CDH18: variants seen among roughly 807,000 people sequenced by gnomAD.
CDH18 encodes the protein cadherin-18.
A neutral mutation model predicts 67.9 loss-of-function variants in CDH18; 31 were observed. The ratio of observed to expected loss-of-function variants is 0.46; its 90% CI spans 0.34 to 0.62. The LOEUF (loss-of-function observed/expected upper bound fraction) is 0.62, where lower values mean the gene tolerates loss of function less well. Among genes scored for constraint, CDH18 ranks in the 20% least tolerant of loss-of-function variants. CDH18 has a pLI of 0.01. For synonymous variants in CDH18, 362 were observed against 347.2 expected (o/e 1.04, Z -0.48); for missense variants, 890 against 975.5 (o/e 0.91, Z 1.17).
At chr5:20,243,934 C>T (rs1743180964) in intron 2 of CDH18, among the ~76,000 whole-genome samples, 1 of 152,026 alleles carries the variant, frequency 6.6e-6, no homozygotes, top group Non-Finnish European at 1.5e-5. Context: ...ACAAGGTCAC[C>T]CAGCTCATAA....
chr5:20,175,231 G>C (rs1016774871), intron 2 of CDH18, among the ~76,000 whole-genome samples: 9 of 151,942 alleles, frequency 5.9e-5, no homozygotes, highest in African/African-American at 1.7e-4. Flanking sequence ...AGAGGAAAGA[G>C]AGCAGGAGGA....
chr5:19,625,862 C>G (rs1252325299), intron 5 of CDH18, among the ~76,000 whole-genome samples: 2 of 152,056 alleles, frequency 1.3e-5, no homozygotes, highest in South Asian at 4.1e-4. Context: ...ATTCAAACAA[C>G]GAGGCAGAAA....
At chr5:20,376,240 C>A (rs1562014367) in intron 1 of CDH18, among the ~76,000 whole-genome samples, 1 of 151,078 alleles carries the variant, frequency 6.6e-6, no homozygotes. Context: ...ACTACAGGCG[C>A]CCGCCACCTC....
chr5:20,573,940 CTTTT>C (rs1199558767), intron 1 of CDH18, among the ~76,000 whole-genome samples: 4 of 140,958 alleles, frequency 2.8e-5, no homozygotes. Context: ...ATATATATTT[CTTTT>C]AAGTATTTTA....
chr5:19,722,746 C>T (rs1766272266), intron 4 of CDH18, among the ~76,000 whole-genome samples: 1 of 151,842 alleles, frequency 6.6e-6, no homozygotes, highest in Non-Finnish European at 1.5e-5. Context: ...TTTTATTCCA[C>T]ATCACTAGAA....
chr5:19,719,760 G>T (rs1398098680), intron 5 of CDH18, among the ~76,000 whole-genome samples: 4 of 151,338 alleles, frequency 2.6e-5, no homozygotes, highest in Non-Finnish European at 4.4e-5. Flanking sequence ...CAATTATAAT[G>T]CATATAAGGA....
At chr5:19,502,945 C>G (rs769508454) in intron 11 of CDH18, 47 bp downstream of exon 11, 1 of 1,087,904 alleles carries the variant, frequency 9.2e-7, no homozygotes, top group Admixed American at 1.7e-5. Context: ...CATATAAGGT[C>G]AAAGCAGATA....
At chr5:20,221,104 G>A (rs985166473) in intron 2 of CDH18, among the ~76,000 whole-genome samples, 5 of 151,870 alleles carry the variant, frequency 3.3e-5, no homozygotes, top group African/African-American at 9.7e-5. Context: ...AAAACACCAC[G>A]GTTAGATATA....
chr5:20,067,162 C>A (rs1391699333), intron 2 of CDH18, among the ~76,000 whole-genome samples: 1 of 151,562 alleles, frequency 6.6e-6, no homozygotes, highest in East Asian at 1.9e-4. Context: ...AAATACTTTG[C>A]CATTTTATAT....
rs541619780 is a variant in CDH18, at chr5:19,964,419, G to GA, written c.-257+16640dup. On this transcript the variant is annotated intron_variant, in intron 2 of 12. Coordinates refer to ENST00000382275, the MANE Select transcript of CDH18 (RefSeq NM_004934.5). ...AACATAGTGAGACCCTGTCTCTACA[G>GA]AAAAAAAAAAAAAAGAAAAGAAAAA... Among the ~76,000 whole-genome samples, 929 of 119,682 alleles carry GA rather than the reference G, an allele frequency of 7.8e-3. 3 individuals carry two copies. The highest frequency in any genetic ancestry group is 0.017 in the Middle Eastern group (4 of 236). The allele number at this position is 119,682 out of a possible 152,430, so 78.5% of individuals were successfully genotyped here.
chr5:19,476,746 G>A (rs1738534559), intron 12 of CDH18, among the ~76,000 whole-genome samples: 1 of 151,936 alleles, frequency 6.6e-6, no homozygotes. Flanking sequence ...TATTGAATTG[G>A]TTGGTGGTTG....
At position 20,104,697 on chromosome 5, in the gene CDH18, C is replaced by T. The variant is rs182306187; in HGVS notation, c.-517-112683G>A. Reference sequence around the variant, plus strand: ...ACCATTCCAAGTGCTGTTCCAATACCTGAGATGCCCTCTTGCCAGGTGTCT... The same window carrying T: ...ACCATTCCAAGTGCTGTTCCAATACTTGAGATGCCCTCTTGCCAGGTGTCT... On this transcript the variant is annotated intron_variant, in intron 2 of 14. Transcript: ENST00000507958. 5.9e-5 allele frequency among the ~76,000 whole-genome samples: 9 copies of T among 152,122 alleles called. No homozygotes were observed. The East Asian group carries it at 1.6e-3, about 26-fold the overall frequency.
At chr5:19,724,564 G>A (rs1476036115) in intron 4 of CDH18, among the ~76,000 whole-genome samples, 1 of 151,430 alleles carries the variant, frequency 6.6e-6, no homozygotes, top group Non-Finnish European at 1.5e-5. Context: ...TAAATCTAGG[G>A]AAACCTAACG....
At chr5:20,151,146 C>T (rs1025166609) in intron 2 of CDH18, among the ~76,000 whole-genome samples, 1 of 151,852 alleles carries the variant, frequency 6.6e-6, no homozygotes, top group East Asian at 1.9e-4. Context: ...ATTCATACCC[C>T]CCTTTCTCTC....
chr5:19,879,993 C>A (rs1368564081), intron 2 of CDH18, among the ~76,000 whole-genome samples: 2 of 151,938 alleles, frequency 1.3e-5, no homozygotes, highest in Non-Finnish European at 2.9e-5. Context: ...AAAGCCAAAT[C>A]CTAATGTATT....
intron 2 of CDH18, among the ~76,000 whole-genome samples, chr5:20,207,576 G>T (rs1740001407): frequency 6.6e-6 from 1 of 151,962 alleles, no homozygotes; most frequent in Non-Finnish European, 1.5e-5. Flanking sequence ...AACTCATGCA[G>T]GAAAACTGCT....
chr5:19,868,185 A>G (rs1027585872), intron 2 of CDH18, among the ~76,000 whole-genome samples: 3 of 152,188 alleles, frequency 2.0e-5, no homozygotes, highest in Non-Finnish European at 4.4e-5. Flanking sequence ...GTGAAATGGA[A>G]TAATATTAGT....
intron 2 of CDH18, among the ~76,000 whole-genome samples, chr5:20,054,321 A>T (rs959586820): frequency 1.3e-5 from 2 of 152,172 alleles, no homozygotes; most frequent in African/African-American, 4.8e-5. Context: ...AAAGGATTCA[A>T]GTGGTCAACT....
chr5:19,761,014 G>A (rs903452077), intron 3 of CDH18, among the ~76,000 whole-genome samples: 1 of 152,088 alleles, frequency 6.6e-6, no homozygotes, highest in African/African-American at 2.4e-5. Context: ...AGCATCCCCA[G>A]GTTTATTGGG....
Sources: gnomAD v4.1 joint callset for allele counts (sites outside exome capture counted in the v4.1 genomes callset) on GRCh38, gnomAD v4.1.1 for gene constraint, MANE v1.5 for transcripts, NCBI Gene and HGNC (gene_info 2026-07-23, HGNC 2026-07-21) for gene names.